The following TP63 variants were observed in gnomAD, a reference collection of about 807,000 sequenced individuals.
The protein encoded by TP63 is tumor protein p63, also known as tumor protein 63.
A neutral mutation model predicts 82.8 loss-of-function variants in TP63; 17 were observed. The ratio of observed to expected loss-of-function variants is 0.21; its 90% confidence interval spans 0.14 to 0.31. The LOEUF (loss-of-function observed/expected upper bound fraction) is 0.31, where lower values mean the gene tolerates loss of function less well. Ranked by LOEUF, TP63 falls within the 10% of genes least tolerant of loss-of-function variation. TP63 has a pLI of 1.00. For missense variants in TP63, 648 were observed against 895.3 expected (o/e 0.72, Z 3.52); for synonymous variants, 330 against 321.7 (o/e 1.03, Z -0.28).
chr3:189,664,741 CAT>C (rs1714226255), intron 1 of TP63, among the ~76,000 whole-genome samples: 1 of 152,050 alleles, frequency 6.6e-6, no homozygotes, highest in Non-Finnish European at 1.5e-5. Context: ...GGATATTAAA[CAT>C]AATAAAGTTC....
At chr3:189,868,847 G>A in intron 8 of TP63, 131 bp downstream of exon 8, 1 of 1,420,490 alleles carries the variant, frequency 7.0e-7, no homozygotes, top group Non-Finnish European at 9.9e-7. Context: ...AGCCCTCAGA[G>A]CCAGTGAGAA....
At chr3:189,764,331 T>C (rs1316361027) in intron 3 of TP63, among the ~76,000 whole-genome samples, 1 of 152,160 alleles carries the variant, frequency 6.6e-6, no homozygotes, top group Non-Finnish European at 1.5e-5. Flanking sequence ...AGAACCATGT[T>C]GATAAAATGC....
chr3:189,872,237 C>T (rs1036287690), intron 9 of TP63, among the ~76,000 whole-genome samples: 1 of 136,982 alleles, frequency 7.3e-6, no homozygotes, highest in African/African-American at 2.9e-5. Context: ...GATTGGGTTC[C>T]TATGCACCTC....
At chr3:189,715,554 C>T (rs1330018975) in intron 1 of TP63, among the ~76,000 whole-genome samples, 1 of 152,110 alleles carries the variant, frequency 6.6e-6, no homozygotes. Flanking sequence ...TACAAACTGA[C>T]ATTGATGGTA....
chr3:189,867,714 T>C, intron 6 of TP63, 119 bp from the exon 7 acceptor site: 2 of 947,640 alleles, frequency 2.1e-6, no homozygotes, highest in Non-Finnish European at 3.3e-6. Flanking sequence ...GTTTGCCCTT[T>C]TAGGAGGAAG....
At chr3:189,762,208 C>A (rs1052341266) in intron 3 of TP63, among the ~76,000 whole-genome samples, 2 of 152,264 alleles carry the variant, frequency 1.3e-5, no homozygotes, top group East Asian at 3.9e-4. Context: ...ATGCAAATTT[C>A]CCCCCACAAA....
chr3:189,653,890 A>T (rs1407021048), intron 1 of TP63, among the ~76,000 whole-genome samples: 1 of 152,170 alleles, frequency 6.6e-6, no homozygotes, highest in Non-Finnish European at 1.5e-5. Context: ...ACTGTTTGTT[A>T]TCTTAGCACC....
chr3:189,644,786 T>A (rs1356161062), intron 1 of TP63, among the ~76,000 whole-genome samples: 1 of 152,206 alleles, frequency 6.6e-6, no homozygotes, highest in African/African-American at 2.4e-5. Flanking sequence ...CATATTTGAT[T>A]TTCCATTCCT....
At chr3:189,860,804 A>G (rs1716937371) in intron 4 of TP63, among the ~76,000 whole-genome samples, 1 of 152,292 alleles carries the variant, frequency 6.6e-6, no homozygotes, top group South Asian at 2.1e-4. Flanking sequence ...CACACTGGGA[A>G]TATCACTTTT....
intron 1 of TP63, among the ~76,000 whole-genome samples, chr3:189,728,448 G>T (rs980457350): frequency 7.2e-5 from 11 of 152,134 alleles, no homozygotes; most frequent in African/African-American, 2.4e-4. Context: ...TATAAATATT[G>T]TATCCTTTCT....
intron 8 of TP63, 68 bp downstream of exon 8, chr3:189,868,784 A>G: frequency 6.2e-7 from 1 of 1,611,142 alleles, no homozygotes; most frequent in Non-Finnish European, 8.5e-7. Context: ...ATGGGGTGAT[A>G]TTGGAGAAGC....
At chr3:189,629,322 T>C (rs1729384521), upstream of TP63, among the ~76,000 whole-genome samples, 2 of 152,076 alleles carry the variant, frequency 1.3e-5, no homozygotes, top group South Asian at 4.1e-4. Flanking sequence ...AGGTTGAGGC[T>C]GCAGTGATCC....
chr3:189,845,673 C>T (rs983000539), intron 4 of TP63, among the ~76,000 whole-genome samples: 9 of 148,862 alleles, frequency 6.0e-5, no homozygotes, highest in Non-Finnish European at 7.4e-5. Context: ...ACATGCCAGA[C>T]GTGAATTGAT....
intron 5 of TP63, 95 bp downstream of exon 5, chr3:189,864,513 T>G (rs989357791): frequency 1.7e-6 from 2 of 1,195,624 alleles, no homozygotes; most frequent in Admixed American, 5.5e-5. Flanking sequence ...GATTCAGACT[T>G]CTGCACTCCG....
In TP63 at chr3:189,816,581, G is replaced by C. The variant is rs576642844; in HGVS notation, c.579+8055G>C. ...GTTTTATATTAGCAGCAATTGGTAT[G>C]TCTAGTCAGGTCACTGTGACTGAAA... On this transcript the variant is annotated intron_variant, in intron 4 of 13. Transcript: ENST00000264731. 2.6e-4 allele frequency among the ~76,000 whole-genome samples: 40 copies of C among 152,306 alleles called. No homozygotes were observed. The South Asian group carries it at 8.1e-3, about 31-fold the overall frequency.
the TP63 span, among the ~76,000 whole-genome samples, chr3:189,600,434 A>G: frequency 6.2e-4 from 94 of 152,318 alleles, no homozygotes; most frequent in African/African-American, 2.1e-3. Flanking sequence ...TAATTCTTTA[A>G]TTATTGCAAT....
chr3:189,813,371 T>A (rs1198498599), intron 4 of TP63, among the ~76,000 whole-genome samples: 1 of 152,120 alleles, frequency 6.6e-6, no homozygotes, highest in Non-Finnish European at 1.5e-5. Context: ...AAAAGAAAGC[T>A]TTCTGTGGCA....
intron 4 of TP63, among the ~76,000 whole-genome samples, chr3:189,812,804 C>T (rs1251092266): frequency 6.6e-6 from 1 of 151,958 alleles, no homozygotes; most frequent in Non-Finnish European, 1.5e-5. Context: ...GTTGAGGCTT[C>T]GACAAAACTT....
chr3:189,628,190 A>G (rs1476683556), upstream of TP63, among the ~76,000 whole-genome samples: 1 of 152,124 alleles, frequency 6.6e-6, no homozygotes, highest in Non-Finnish European at 1.5e-5. Flanking sequence ...GAAGTGGGGA[A>G]GGTTTCTTTT....
Sources: allele counts gnomAD v4.1 joint callset (sites outside exome capture counted in the v4.1 genomes callset), GRCh38; gene constraint gnomAD v4.1.1; transcripts MANE v1.5; gene names NCBI Gene and HGNC (gene_info 2026-07-23, HGNC 2026-07-21).